Variants in KCNIP4 observed in about 807,000 individuals in gnomAD.
KCNIP4 encodes potassium voltage-gated channel interacting protein 4.
In KCNIP4, 12 loss-of-function variants were observed where a neutral mutation model predicts 34.0. The ratio of observed to expected loss-of-function variants is 0.35; its 90% CI spans 0.23 to 0.57. KCNIP4 has a LOEUF of 0.57. Ranked by LOEUF, KCNIP4 falls within the 20% of genes least tolerant of loss-of-function variation. The pLI, the probability that KCNIP4 is intolerant of heterozygous loss-of-function variation, is 0.83. For missense variants in KCNIP4, 238 were observed against 311.7 expected, an observed-to-expected ratio of 0.76 and a Z score of 1.78; for synonymous variants, 124 against 102.2, an observed-to-expected ratio of 1.21 and a Z score of -1.29.
chr4:21,826,497 T>A (rs1255981736), intron 1 of KCNIP4, among the ~76,000 whole-genome samples: 1 of 152,034 alleles, frequency 6.6e-6, no homozygotes, highest in Non-Finnish European at 1.5e-5. Flanking sequence ...ATAAAAAAAA[T>A]ACAGAACTAG....
chr4:20,728,685 G>C lies in KCNIP4; in HGVS notation c.*1397C>G, dbSNP rs1560385682. ...GTGCACATTGAGTTTACACAAACACGTGATGGCAAATTTCAGTGTACATGT... is the reference window on the plus strand; with the variant it reads ...GTGCACATTGAGTTTACACAAACACCTGATGGCAAATTTCAGTGTACATGT... On this transcript the variant is annotated 3_prime_UTR_variant, in exon 9 of 9. Transcript: ENST00000382152. The C allele has an allele frequency of 6.6e-6, 1 of 152,390 alleles. No individual in the cohort carries two copies. Among genetic ancestry groups the C allele is most frequent in the South Asian group, 2.1e-4 (1 of 4,732 alleles). The allele number at this position is 152,390 out of a possible 1,614,324, so 9.4% of individuals were successfully genotyped here.
At chr4:21,413,413 T>A (rs1036193460) in intron 1 of KCNIP4, among the ~76,000 whole-genome samples, 4 of 152,178 alleles carry the variant, frequency 2.6e-5, no homozygotes, top group Non-Finnish European at 5.9e-5. Flanking sequence ...TAAACCTAAT[T>A]GAGTTGAGTT....
intron 1 of KCNIP4, among the ~76,000 whole-genome samples, chr4:21,735,150 T>C (rs16871797): frequency 0.12 from 18,145 of 151,780 alleles, 3,682 homozygotes; most frequent in African/African-American, 0.41. Flanking sequence ...TATAGAATAA[T>C]TGAAATAAAA....
intron 1 of KCNIP4, among the ~76,000 whole-genome samples, chr4:21,440,489 C>T (rs866617856): frequency 2.0e-5 from 3 of 152,194 alleles, no homozygotes; most frequent in African/African-American, 7.2e-5. Flanking sequence ...TCTAGAGGAA[C>T]CTTAAACAAA....
At chr4:21,667,673 G>A (rs1324250174) in intron 1 of KCNIP4, among the ~76,000 whole-genome samples, 3 of 152,226 alleles carry the variant, frequency 2.0e-5, no homozygotes, top group African/African-American at 4.8e-5. Flanking sequence ...CAAATTGTTA[G>A]TCTCCATAGT....
intron 1 of KCNIP4, among the ~76,000 whole-genome samples, chr4:21,643,233 T>C (rs1746744446): frequency 6.6e-6 from 1 of 152,188 alleles, no homozygotes; most frequent in Non-Finnish European, 1.5e-5. Context: ...GTATTGACTT[T>C]ATATTATAGT....
At chr4:21,198,797 G>A (rs983905668) in intron 1 of KCNIP4, among the ~76,000 whole-genome samples, 2 of 152,160 alleles carry the variant, frequency 1.3e-5, no homozygotes, top group African/African-American at 4.8e-5. Context: ...CTGCAGCACA[G>A]AAAGGGCACC....
In KCNIP4 at chr4:21,600,085, C is replaced by T. The variant is rs536490412; in HGVS notation, c.61+348486G>A. ...TTTCAAACTGCTTCTTTCTTCATTC[C>T]CTTACTCCCTCTGCTAACCAAGTCC... On this transcript the variant is annotated intron_variant, in intron 1 of 8. Transcript: ENST00000382152. Among the ~76,000 whole-genome samples, 4 of 152,124 alleles carry T rather than the reference C, an allele frequency of 2.6e-5. No individual in the cohort carries two copies. The South Asian group carries it at 8.3e-4, about 32-fold the overall frequency.
At chr4:20,853,632 A>C (rs573810043) in intron 2 of KCNIP4, among the ~76,000 whole-genome samples, 1 of 152,164 alleles carries the variant, frequency 6.6e-6, no homozygotes, top group African/African-American at 2.4e-5. Context: ...AGCAATAAAA[A>C]CAAAGATAAA....
chr4:21,601,640 T>C (rs1226475831), intron 1 of KCNIP4, among the ~76,000 whole-genome samples: 1 of 152,082 alleles, frequency 6.6e-6, no homozygotes, highest in Non-Finnish European at 1.5e-5. Context: ...ATTCCATCCA[T>C]TGGTCTATAA....
At chr4:21,805,546 C>T (rs1186711604) in intron 1 of KCNIP4, among the ~76,000 whole-genome samples, 1 of 152,080 alleles carries the variant, frequency 6.6e-6, no homozygotes, top group African/African-American at 2.4e-5. Flanking sequence ...ATTTTTCTTC[C>T]CAGTCTCGGG....
intron 1 of KCNIP4, among the ~76,000 whole-genome samples, chr4:21,791,191 G>A (rs907941557): frequency 6.6e-6 from 1 of 152,022 alleles, no homozygotes; most frequent in Non-Finnish European, 1.5e-5. Flanking sequence ...CTTTGGGGCT[G>A]CAGCTGCTGA....
intron 1 of KCNIP4, among the ~76,000 whole-genome samples, chr4:21,597,448 A>G (rs1015694756): frequency 1.3e-5 from 2 of 152,094 alleles, no homozygotes; most frequent in Non-Finnish European, 2.9e-5. Flanking sequence ...TAATACACCC[A>G]TGAATATCTT....
chr4:21,101,151 T>C (rs745430424), intron 1 of KCNIP4, among the ~76,000 whole-genome samples: 12 of 152,154 alleles, frequency 7.9e-5, no homozygotes, highest in Non-Finnish European at 1.6e-4. Context: ...TGTGTATTAT[T>C]GCGCTGTATA....
intron 1 of KCNIP4, among the ~76,000 whole-genome samples, chr4:21,107,978 C>T (rs1277239551): frequency 3.3e-5 from 5 of 151,408 alleles, no homozygotes; most frequent in African/African-American, 9.8e-5. Context: ...TGCTGTTAGT[C>T]TGATGGGCTT....
chr4:21,175,139 A>T (rs905966009), intron 1 of KCNIP4, among the ~76,000 whole-genome samples: 3 of 25,592 alleles, frequency 1.2e-4, no homozygotes, highest in Admixed American at 2.7e-4. Flanking sequence ...TAATTTACTT[A>T]AAAAAAAAAA....
At chr4:21,113,864 G>A (rs1749464451) in intron 1 of KCNIP4, among the ~76,000 whole-genome samples, 1 of 152,188 alleles carries the variant, frequency 6.6e-6, no homozygotes, top group African/African-American at 2.4e-5. Flanking sequence ...ACCTTAACAA[G>A]AAATAGGTGA....
At chr4:21,531,141 A>G (rs947632334) in intron 1 of KCNIP4, among the ~76,000 whole-genome samples, 3 of 152,180 alleles carry the variant, frequency 2.0e-5, no homozygotes, top group Non-Finnish European at 4.4e-5. Flanking sequence ...AGTCAGGAGC[A>G]CTAACCTGCT....
At chr4:21,647,110 A>G (rs1036963380) in intron 1 of KCNIP4, among the ~76,000 whole-genome samples, 4 of 151,980 alleles carry the variant, frequency 2.6e-5, no homozygotes, top group African/African-American at 9.7e-5. Context: ...TTCTAAAAAT[A>G]TATGTTTAAT....
Sources: allele counts gnomAD v4.1 joint callset (sites outside exome capture counted in the v4.1 genomes callset), GRCh38; gene constraint gnomAD v4.1.1; transcripts MANE v1.5; gene names NCBI Gene and HGNC (gene_info 2026-07-23, HGNC 2026-07-21).